NOTCH3: variants seen among roughly 807,000 people sequenced by gnomAD.
NOTCH3 encodes notch receptor 3.
NOTCH3 carries 86 observed loss-of-function variants against 213.3 expected under a neutral mutation model. The observed-to-expected ratio is 0.40, with a 90% confidence interval of 0.34 to 0.48. The LOEUF (loss-of-function observed/expected upper bound fraction) is 0.48, where lower values mean the gene tolerates loss of function less well. Among genes scored for constraint, NOTCH3 ranks in the 20% least tolerant of loss-of-function variants. The pLI, the probability that NOTCH3 is intolerant of heterozygous loss-of-function variation, is 0.57. For missense variants in NOTCH3, 2,783 were observed against 3,272.6 expected, an observed-to-expected ratio of 0.85 and a Z score of 3.65; for synonymous variants, 1,354 against 1,355.9, an observed-to-expected ratio of 1.00 and a Z score of 0.03.
At chr19:15,191,323 G>A in intron 6 of NOTCH3, 101 bp downstream of exon 6, 1 of 1,094,218 alleles carries the variant, frequency 9.1e-7, no homozygotes, top group South Asian at 1.3e-5. Flanking sequence ...ATGAGCCACT[G>A]TGCCCAGCCT....
In NOTCH3 at chr19:15,179,259, C is replaced by T. The variant is rs2046818863; in HGVS notation, c.3484G>A (p.Asp1162Asn). 6.2e-7 allele frequency: 1 copy of T among 1,613,834 alleles called. No individual in the cohort carries two copies. The highest frequency in any genetic ancestry group is 1.7e-5 in the Admixed American group (1 of 59,998). ...TLGVLCEINE[D>N]DCGPGPPLDS... Reference sequence around the variant, plus strand: ...AGCGGTGGGCCTGGGCCGCAGTCATCCTCATTAATCTCGCAGAGCACCCCT... The same window carrying T: ...AGCGGTGGGCCTGGGCCGCAGTCATTCTCATTAATCTCGCAGAGCACCCCT... The change falls in exon 22 of 33, where the codon GAT becomes AAT. Residue 1162 changes from aspartate (D) to asparagine (N), a missense_variant. Coordinates refer to ENST00000263388, the MANE Select transcript of NOTCH3 (RefSeq NM_000435.3).
chr19:15,198,297 T>G (rs1202851481), intron 1 of NOTCH3, among the ~76,000 whole-genome samples: 2 of 152,196 alleles, frequency 1.3e-5, no homozygotes, highest in African/African-American at 4.8e-5. Context: ...AGTGGAGAAC[T>G]GTGTGCATGC....
At chr19:15,192,540 G>C in intron 2 of NOTCH3, 21 bp from the exon 3 acceptor site, 1 of 1,567,310 alleles carries the variant, frequency 6.4e-7, no homozygotes, top group South Asian at 1.2e-5. Flanking sequence ...AGATGGCTTG[G>C]TTGGGCAGCA....
chr19:15,180,151 T>C lies in NOTCH3; in HGVS notation c.3248A>G (p.Gln1083Arg), dbSNP rs770040746. The C allele has an allele frequency of 2.5e-6, 4 of 1,613,506 alleles. No homozygotes were observed. In the Admixed American group the frequency reaches 6.7e-5, roughly 27 times the overall value. The change falls in exon 20 of 33, where the codon CAG becomes CGG. Residue 1083 changes from glutamine (Q) to arginine (R), a missense_variant. Gln to Arg is a conservative substitution (Grantham distance 43). Around this residue, in one of 6 missense-constraint regions of NOTCH3, gnomAD observed 861 missense variants for 909.1 expected, o/e 0.95. Coordinates refer to ENST00000263388, the MANE Select transcript of NOTCH3 (RefSeq NM_000435.3). ...CTGGGCCAAGCAGGGGTCCACCTCC[T>C]GCTCACAGTGGCTACCAGTACGGCC... Reference protein sequence around the residue: ...PEGRTGSHCEQEVDPCLAQPC... With the variant: ...PEGRTGSHCEREVDPCLAQPC...
Position 15,192,196 on chromosome 19 carries a change from G to A in NOTCH3, c.443C>T (p.Pro148Leu), listed in dbSNP as rs2145442205. The change falls in exon 4 of 33, where the codon CCT becomes CTT. Residue 148 changes from proline (P) to leucine (L), a missense_variant. This residue lies in a region of NOTCH3 where 708 missense variants were observed against 906.6 expected (regional missense o/e 0.78). Transcript: ENST00000263388. ...TCGGCAGCTGCGGCCCTGGTAGCCA[G>A]GTGGGCAGGAGCAGAGGAAGCGTCC... is the stretch of plus-strand genomic sequence containing the variant. Reference protein sequence around the residue: ...PDGRFLCSCPPGYQGRSCRSD... With the variant: ...PDGRFLCSCPLGYQGRSCRSD... 1 of 1,612,202 alleles carries A rather than the reference G, an allele frequency of 6.2e-7. No individual in the cohort carries two copies. Among genetic ancestry groups the A allele is most frequent in the Non-Finnish European group, 8.5e-7 (1 of 1,179,652 alleles).
At position 15,185,390 on chromosome 19, in the gene NOTCH3, C is replaced by T. The variant is rs375173938; in HGVS notation, c.2163G>A (p.Glu721=). 301 of 1,612,230 alleles carry T rather than the reference C, an allele frequency of 1.9e-4. 5 individuals are homozygous for T. In the South Asian group the frequency reaches 3.0e-3, roughly 16 times the overall value. ...TGCAGCGGGGGCCACTCCAGCCAGG[C>T]TCACACACACAGCGGAACCTGGCAG... ...DAPGGFRCVC[E]PGWSGPRCSQ... is the part of the protein sequence containing the mutation. The change falls in exon 14 of 33, where the codon GAG becomes GAA. Residue 721 remains glutamate (E), a synonymous_variant. Transcript: ENST00000263388. This position sits in a 1 kb window ranked among gnomAD's most constrained non-coding sequence, Gnocchi z 4.2.
At chr19:15,167,514 G>C in intron 28 of NOTCH3, 103 bp from the exon 29 acceptor site, 1 of 969,042 alleles carries the variant, frequency 1.0e-6, no homozygotes, top group Non-Finnish European at 1.6e-6. Flanking sequence ...CTCTTTAGGA[G>C]ATACACACAG....
At chr19:15,200,716 G>T in intron 1 of NOTCH3, 72 bp downstream of exon 1, 2 of 1,133,534 alleles carry the variant, frequency 1.8e-6, no homozygotes, top group Non-Finnish European at 2.2e-6. Context: ...ACCCCCGCCA[G>T]CCCCGGCCTT....
At chr19:15,198,272 G>A (rs983448518) in intron 1 of NOTCH3, among the ~76,000 whole-genome samples, 3 of 152,252 alleles carry the variant, frequency 2.0e-5, no homozygotes, top group African/African-American at 7.2e-5. Context: ...TCCAGGGTGT[G>A]GCTGGGTCTG....
At chr19:15,198,489 G>A (rs570762347) in intron 1 of NOTCH3, among the ~76,000 whole-genome samples, 4 of 152,318 alleles carry the variant, frequency 2.6e-5, no homozygotes, top group Non-Finnish European at 4.4e-5. Context: ...GGTGGCTCAC[G>A]CCTCTAATCC....
intron 2 of NOTCH3, among the ~76,000 whole-genome samples, chr19:15,193,810 G>A (rs1339477734): frequency 2.1e-5 from 3 of 141,838 alleles, no homozygotes; most frequent in South Asian, 2.3e-4. Flanking sequence ...CAGGCCAGGC[G>A]CAGTGGCTCA....
intron 31 of NOTCH3, among the ~76,000 whole-genome samples, chr19:15,163,175 G>A (rs2046659859): frequency 6.6e-6 from 1 of 152,166 alleles, no homozygotes; most frequent in Non-Finnish European, 1.5e-5. Flanking sequence ...AAAGTGTTGG[G>A]ATTACAGGCA....
At chr19:15,177,004 G>A (rs1454966713) in intron 24 of NOTCH3, among the ~76,000 whole-genome samples, 8 of 148,466 alleles carry the variant, frequency 5.4e-5, no homozygotes, top group African/African-American at 2.5e-5. Flanking sequence ...CCCGGGAGGC[G>A]GAGGTTGCAG....
rs2046806391 is a variant in NOTCH3, at chr19:15,177,978, G to C, written c.3950C>G (p.Pro1317Arg). The C allele has an allele frequency of 1.8e-5, 25 of 1,420,144 alleles. No homozygotes were observed. Among genetic ancestry groups the C allele is most frequent in the Non-Finnish European group, 2.1e-5 (23 of 1,088,804 alleles). 88.0% of individuals were successfully genotyped at this position (1,420,144 alleles called of 1,614,324 possible). The change falls in exon 24 of 33, where the codon CCA (proline) becomes CGA (arginine). Residue 1317 changes from proline (P) to arginine (R), a missense_variant. Coordinates refer to ENST00000263388, the MANE Select transcript of NOTCH3 (RefSeq NM_000435.3). Reference sequence around the variant, plus strand: ...GCGGCAGGAGGGTCCCGACAACCCTGGGGGGCAGGCGCAGCGCGGCCCGCG... The same window carrying C: ...GCGGCAGGAGGGTCCCGACAACCCTCGGGGGCAGGCGCAGCGCGGCCCGCG... ...TPRGPRCACP[P>R]GLSGPSCRSF...
chr19:15,194,614 G>C (rs775684566), intron 2 of NOTCH3, among the ~76,000 whole-genome samples: 10 of 152,142 alleles, frequency 6.6e-5, no homozygotes, highest in Admixed American at 2.0e-4. Context: ...GGGCCATGGG[G>C]CTTTCTGGGG....
At chr19:15,184,209 A>T in intron 16 of NOTCH3, 86 bp downstream of exon 16, 1 of 1,325,906 alleles carries the variant, frequency 7.5e-7, no homozygotes, top group Non-Finnish European at 1.1e-6. Flanking sequence ...GTGAAGATGA[A>T]ATGACAGCAC....
At chr19:15,187,367 C>G in intron 10 of NOTCH3, 29 bp from the exon 11 acceptor site, 2 of 1,597,926 alleles carry the variant, frequency 1.3e-6, no homozygotes, top group African/African-American at 2.7e-5. Context: ...CAGGCTCCGC[C>G]CACTTGCCAG....
intron 29 of NOTCH3, 77 bp downstream of exon 29, chr19:15,167,172 A>G: frequency 6.6e-7 from 1 of 1,516,618 alleles, no homozygotes; most frequent in East Asian, 2.3e-5. Flanking sequence ...GTTCTCCCCA[A>G]AACACAGAGT....
intron 1 of NOTCH3, among the ~76,000 whole-genome samples, chr19:15,197,780 T>C (rs920892438): frequency 8.4e-6 from 1 of 118,654 alleles, no homozygotes; most frequent in African/African-American, 3.3e-5. Flanking sequence ...GCTGCAGCTG[T>C]CCCTGCCAGC....
Sources: allele counts gnomAD v4.1 joint callset (sites outside exome capture counted in the v4.1 genomes callset), GRCh38; gene constraint gnomAD v4.1.1; regional missense constraint gnomAD v4.1.1; non-coding constraint Gnocchi (gnomAD v3.1); transcripts MANE v1.5; gene names NCBI Gene and HGNC (gene_info 2026-07-23, HGNC 2026-07-21).